The following GOLGA4 variants were observed in gnomAD, a reference collection of about 807,000 sequenced individuals.
The protein encoded by GOLGA4 is golgin subfamily A member 4.
GOLGA4 carries 169 observed loss-of-function variants against 265.9 expected under a neutral mutation model. That is an observed-to-expected ratio of 0.64 (90% confidence interval 0.56 to 0.72). GOLGA4 has a LOEUF of 0.72. Ranked by LOEUF, GOLGA4 falls within the 30% of genes least tolerant of loss-of-function variation. The probability of loss-of-function intolerance (pLI) is 0.00; values close to 1 mark genes in which losing one functional copy is unlikely to be tolerated. For missense variants in GOLGA4, 2,482 were observed against 2,483.4 expected, an observed-to-expected ratio of 1.00 and a Z score of 0.01; for synonymous variants, 923 against 855.8, an observed-to-expected ratio of 1.08 and a Z score of -1.37.
Position 37,327,817 on chromosome 3 carries a change from G to T in GOLGA4, c.5931G>T (p.Glu1977Asp). 6.3e-7 allele frequency: 1 copy of T among 1,577,370 alleles called. No individual in the cohort carries two copies. The highest frequency in any genetic ancestry group is 8.6e-7 in the Non-Finnish European group (1 of 1,156,290). The change falls in exon 14 of 24, where the codon GAG becomes GAT. Residue 1977 changes from glutamate to aspartate, a missense_variant. Glu to Asp is a conservative substitution (Grantham distance 45). Around this residue, in one of 3 missense-constraint regions of GOLGA4, gnomAD observed 942 missense variants for 983.1 expected, o/e 0.96. Transcript: ENST00000361924. ...LKKEYDQERE[E>D]KIKQEQEDLE... ...AAGAATATGATCAAGAAAGGGAAGA[G>T]AAAATCAAGTAAGTTTTATTTCAGC...
chr3:37,310,860 T>C (rs1046632692), intron 10 of GOLGA4, among the ~76,000 whole-genome samples: 1 of 152,140 alleles, frequency 6.6e-6, no homozygotes, highest in Non-Finnish European at 1.5e-5. Context: ...GCCGTGACTG[T>C]GGTTTTCCCA....
At chr3:37,274,696 GA>G (rs146170756) in intron 2 of GOLGA4, among the ~76,000 whole-genome samples, 45,427 of 147,040 alleles carry the variant, frequency 0.31, 7,682 homozygotes, top group Non-Finnish European at 0.4. Flanking sequence ...CTGTCTCAAG[GA>G]AAAAAAAAAA....
At chr3:37,361,900 A>T (rs966159715) in intron 23 of GOLGA4, among the ~76,000 whole-genome samples, 4 of 152,244 alleles carry the variant, frequency 2.6e-5, no homozygotes, top group Admixed American at 6.5e-5. Flanking sequence ...AACATATTAC[A>T]GTGAAATGCA....
chr3:37,325,528 G>C lies in GOLGA4; in HGVS notation c.3642G>C (p.Ala1214=). 4 of 1,613,728 alleles carry C rather than the reference G, an allele frequency of 2.5e-6. No homozygotes were observed. Among genetic ancestry groups the C allele is most frequent in the Non-Finnish European group, 3.4e-6 (4 of 1,179,762 alleles). Residue 1214 remains alanine (A), a synonymous_variant, in exon 14 of 24, where the codon GCG becomes GCC. Coordinates refer to ENST00000361924, the MANE Select transcript of GOLGA4 (RefSeq NM_002078.5). The part of the protein sequence containing the change: ...LEFKKLSEEL[A]IQLDICCKKT... ...TTAAAAAACTGTCTGAGGAACTAGC[G>C]ATTCAGCTAGATATTTGCTGTAAGA...
chr3:37,343,177 A>G, intron 20 of GOLGA4, among the ~76,000 whole-genome samples: 1 of 152,174 alleles, frequency 6.6e-6, no homozygotes, highest in African/African-American at 2.4e-5. Flanking sequence ...GCTGGAGCGC[A>G]ATGGCGCGAT....
chr3:37,285,900 A>G (rs1284285965), intron 3 of GOLGA4, 114 bp from the exon 4 acceptor site: 4 of 599,232 alleles, frequency 6.7e-6, no homozygotes, highest in Admixed American at 2.9e-5. Context: ...AGGTTATCCT[A>G]TTAAGGACTC....
chr3:37,298,627 T>C (rs1449022243), intron 7 of GOLGA4, among the ~76,000 whole-genome samples: 1 of 152,248 alleles, frequency 6.6e-6, no homozygotes. Context: ...TGGCTTTTAT[T>C]GTCTTTGTTT....
intron 10 of GOLGA4, chr3:37,313,568 C>T (rs1285096417): frequency 1.3e-5 from 2 of 152,036 alleles, no homozygotes; most frequent in African/African-American, 4.8e-5. Flanking sequence ...TATAGTCTAT[C>T]TCAATGGTAG....
At chr3:37,278,482 G>C (rs80296513) in intron 2 of GOLGA4, among the ~76,000 whole-genome samples, 9,239 of 152,096 alleles carry the variant, frequency 0.061, 413 homozygotes, top group African/African-American at 0.13. Flanking sequence ...GGATTACAGG[G>C]ATGAGCCACC....
At chr3:37,275,215 C>CAA (rs749758741) in intron 2 of GOLGA4, among the ~76,000 whole-genome samples, 679 of 44,912 alleles carry the variant, frequency 0.015, 27 homozygotes, top group South Asian at 0.045. Context: ...GACTCCGTCT[C>CAA]AAAAAAAAAA....
chr3:37,325,679 TTAATTAA>T lies in GOLGA4; in HGVS notation c.3794_3800del (p.Leu1265Ter), dbSNP rs1416563325. 1 of 1,613,892 alleles carries T rather than the reference TTAATTAA, an allele frequency of 6.2e-7. No individual in the cohort carries two copies. The highest frequency in any genetic ancestry group is 1.7e-5 in the Admixed American group (1 of 60,024). On this transcript the variant is annotated frameshift_variant, in exon 14 of 24. Coordinates refer to ENST00000361924, the MANE Select transcript of GOLGA4 (RefSeq NM_002078.5). LOFTEE classifies it high-confidence loss of function. ...TACAACTAAAGTTAAGGAGGCACTG[TTAATTAA>T]AACTTGCACAGTTTCTGAATTAGAA...
At chr3:37,315,100 C>T (rs1358875401) in intron 10 of GOLGA4, among the ~76,000 whole-genome samples, 1 of 152,154 alleles carries the variant, frequency 6.6e-6, no homozygotes, top group African/African-American at 2.4e-5. Flanking sequence ...ATCTTCATTT[C>T]TTTAAATGTA....
chr3:37,304,910 T>A (rs1260963157), intron 10 of GOLGA4, among the ~76,000 whole-genome samples: 2 of 152,154 alleles, frequency 1.3e-5, no homozygotes, highest in African/African-American at 4.8e-5. Context: ...TTTTTTCTAT[T>A]AATACTGTCA....
At chr3:37,337,777 G>T (rs757473452) in intron 19 of GOLGA4, 43 bp downstream of exon 19, 1 of 1,238,654 alleles carries the variant, frequency 8.1e-7, no homozygotes, top group East Asian at 2.3e-5. Flanking sequence ...CTAAAGTTTC[G>T]TTAATATGTA....
rs1043656046 is a variant in GOLGA4, at chr3:37,358,393, G to A, written c.6664-2850G>A. Among the ~76,000 whole-genome samples, 7 of 152,228 alleles carry A rather than the reference G, an allele frequency of 4.6e-5. No homozygotes were observed. In the South Asian group the frequency reaches 1.5e-3, roughly 32 times the overall value. On this transcript the variant is annotated intron_variant, in intron 22 of 23. Transcript: ENST00000361924. The stretch of plus-strand genomic sequence containing the variant: ...GATACAAGTTATTACTGTTTTCAGA[G>A]TTTAACCTAGTCTCGAGTAGATTTT...
chr3:37,364,099 A>C (rs958237429), intron 23 of GOLGA4, among the ~76,000 whole-genome samples: 1 of 152,184 alleles, frequency 6.6e-6, no homozygotes, highest in African/African-American at 2.4e-5. Context: ...TTCATTTACA[A>C]ATTCAGAAGA....
Position 37,326,157 on chromosome 3 carries a change from T to A in GOLGA4, c.4271T>A (p.Leu1424Gln). The change falls in exon 14 of 24, where the codon CTG becomes CAG. Residue 1424 changes from leucine to glutamine, a missense_variant. Transcript: ENST00000361924. Reference sequence around the variant, plus strand: ...GATTTATCTTTTAAAGTTGACACTCTGAGTAAAGAGAAAATTTCTGCTCTT... The same window carrying A: ...GATTTATCTTTTAAAGTTGACACTCAGAGTAAAGAGAAAATTTCTGCTCTT... ...VQDLSFKVDT[L>Q]SKEKISALEQ... 6.2e-7 allele frequency: 1 copy of A among 1,613,426 alleles called. No individual in the cohort carries two copies. The highest frequency in any genetic ancestry group is 2.2e-5 in the East Asian group (1 of 44,850).
At chr3:37,278,921 T>C (rs2096827184) in intron 2 of GOLGA4, among the ~76,000 whole-genome samples, 1 of 151,780 alleles carries the variant, frequency 6.6e-6, no homozygotes, top group Non-Finnish European at 1.5e-5. Context: ...CAAGCAGTCC[T>C]CCCACCTCAG....
chr3:37,362,240 A>ATT (rs773620319), intron 23 of GOLGA4, among the ~76,000 whole-genome samples: 1 of 93,978 alleles, frequency 1.1e-5, no homozygotes, highest in Non-Finnish European at 2.3e-5. Flanking sequence ...TTTATTTATT[A>ATT]TTTTTTTTTT....
Sources: gnomAD v4.1 joint callset for allele counts (sites outside exome capture counted in the v4.1 genomes callset) on GRCh38, gnomAD v4.1.1 for gene constraint, gnomAD v4.1.1 regional missense constraint, MANE v1.5 for transcripts, NCBI Gene and HGNC (gene_info 2026-07-23, HGNC 2026-07-21) for gene names.